The following DPP10 variants were observed in gnomAD, a reference collection of about 807,000 sequenced individuals.
DPP10 encodes the protein dipeptidyl peptidase like 10.
Under a neutral mutation model 120.9 loss-of-function variants are expected in DPP10, and 33 were observed. The ratio of observed to expected loss-of-function variants is 0.27; its 90% CI spans 0.21 to 0.37. The LOEUF (loss-of-function observed/expected upper bound fraction) is 0.37. DPP10 is among the 10% of genes least tolerant of loss of function. The pLI is 1.00. For missense variants in DPP10, 816 were observed against 942.8 expected (o/e 0.87, Z 1.76); for synonymous variants, 337 against 326.1 (o/e 1.03, Z -0.36).
intron 1 of DPP10, among the ~76,000 whole-genome samples, chr2:114,780,818 C>T (rs967672962): frequency 5.9e-5 from 9 of 151,930 alleles, no homozygotes; most frequent in African/African-American, 2.2e-4. Context: ...TCTTTAGTAT[C>T]ATGAATGAAA....
rs184156371 is a variant in DPP10 at position 115,211,841 on chromosome 2, C to G, written c.61-97398C>G. ...GAGATGTGTGCGTGTGTGTGTCAGC[C>G]AATACTTTGAGTGTTAGAATTGTTT... On this transcript the variant is annotated intron_variant, in intron 1 of 25. Coordinates refer to ENST00000410059, the MANE Select transcript of DPP10 (RefSeq NM_020868.6). Among the ~76,000 whole-genome samples, 202 of 152,074 alleles carry G rather than the reference C, an allele frequency of 1.3e-3. 1 individual carries two copies. The highest frequency in any genetic ancestry group is 0.011 in the East Asian group (56 of 5,172).
intron 5 of DPP10, among the ~76,000 whole-genome samples, chr2:115,597,684 C>G (rs2083073002): frequency 6.6e-6 from 1 of 151,704 alleles, no homozygotes; most frequent in Non-Finnish European, 1.5e-5. Flanking sequence ...GCTCACTCCT[C>G]AAAAATAAAA....
At chr2:114,830,916 A>G (rs1269798641) in intron 1 of DPP10, among the ~76,000 whole-genome samples, 2 of 151,972 alleles carry the variant, frequency 1.3e-5, no homozygotes, top group Non-Finnish European at 2.9e-5. Context: ...AAAGTTAAAA[A>G]CAAGCATTGC....
Position 115,625,708 on chromosome 2 carries a change from G to A in DPP10, c.442-63979G>A, listed in dbSNP as rs369536743. ...GTAACATGAAGGAATCTCTCCTCAC[G>A]TAAAAGAAATGCCTAGGGTTTTAAA... is the stretch of plus-strand genomic sequence containing the variant. On this transcript the variant is annotated intron_variant, in intron 5 of 25. Coordinates refer to ENST00000410059, the MANE Select transcript of DPP10 (RefSeq NM_020868.6). Among the ~76,000 whole-genome samples, 180 of 152,102 alleles carry A rather than the reference G, an allele frequency of 1.2e-3. 6 individuals carry two copies. The South Asian group carries it at 0.034, about 29-fold the overall frequency.
At chr2:115,690,322 TAAG>T (rs767618618) in intron 7 of DPP10, among the ~76,000 whole-genome samples, 80 of 152,290 alleles carry the variant, frequency 5.3e-4, no homozygotes, top group Non-Finnish European at 1.1e-3. Context: ...AATATTCTCT[TAAG>T]AGAGGATTTT....
At chr2:114,567,957 C>T (rs1349707489) in intron 1 of DPP10, among the ~76,000 whole-genome samples, 1 of 150,526 alleles carries the variant, frequency 6.6e-6, no homozygotes, top group Non-Finnish European at 1.5e-5. Context: ...CAGCAAACCA[C>T]TATGACAGAT....
At chr2:115,215,817 C>T (rs547928322) in intron 1 of DPP10, among the ~76,000 whole-genome samples, 2 of 152,248 alleles carry the variant, frequency 1.3e-5, no homozygotes, top group Middle Eastern at 3.4e-3. Context: ...TATCTACCCC[C>T]ACAGAACTAA....
intron 1 of DPP10, among the ~76,000 whole-genome samples, chr2:114,973,720 A>G (rs934395491): frequency 1.4e-4 from 20 of 146,974 alleles, no homozygotes; most frequent in African/African-American, 5.0e-4. Flanking sequence ...GTCTCTTAGG[A>G]GGTATTTCAG....
At position 114,442,834 on chromosome 2, in the gene DPP10, T is replaced by C; in HGVS notation, c.56T>C (p.Ile19Thr). Residue 19 changes from isoleucine to threonine, a missense_variant, in exon 1 of 26, where the codon ATC becomes ACC. Transcript: ENST00000410059. ...HHIKCQPSKT[I>T]KELGSNSPPQ... ...ATCAAGTGTCAACCCTCAAAAACAA[T>C]CAAGGTAGGATCTGGTTTTTCCCTC... is the stretch of plus-strand genomic sequence containing the variant. 1 of 1,613,338 alleles carries C rather than the reference T, an allele frequency of 6.2e-7. No homozygotes were observed. The highest frequency in any genetic ancestry group is 8.5e-7 in the Non-Finnish European group (1 of 1,179,514).
chr2:115,584,908 A>G (rs985256382), intron 5 of DPP10, among the ~76,000 whole-genome samples: 5 of 152,190 alleles, frequency 3.3e-5, no homozygotes, highest in Non-Finnish European at 7.3e-5. Flanking sequence ...GCCAGTTGAA[A>G]GATGCTTTGT....
intron 1 of DPP10, among the ~76,000 whole-genome samples, chr2:114,712,559 A>G (rs1701093268): frequency 6.6e-6 from 1 of 152,182 alleles, no homozygotes; most frequent in Non-Finnish European, 1.5e-5. Context: ...TCAAGGACAC[A>G]TTGAAAGTTG....
chr2:114,964,267 C>T (rs1259253173), intron 1 of DPP10, among the ~76,000 whole-genome samples: 1 of 152,044 alleles, frequency 6.6e-6, no homozygotes, highest in Non-Finnish European at 1.5e-5. Flanking sequence ...TCTTTTCTTA[C>T]ATTCAACAAA....
chr2:115,182,962 G>A (rs1044396984), intron 1 of DPP10, among the ~76,000 whole-genome samples: 15 of 152,014 alleles, frequency 9.9e-5, no homozygotes, highest in African/African-American at 3.4e-4. Flanking sequence ...CCCACCCCAT[G>A]GACAACAGGC....
intron 1 of DPP10, among the ~76,000 whole-genome samples, chr2:114,821,330 T>C (rs1313718610): frequency 6.6e-6 from 1 of 152,166 alleles, no homozygotes; most frequent in Non-Finnish European, 1.5e-5. Flanking sequence ...AGGACAATGG[T>C]GGTGAGAATT....
intron 10 of DPP10, among the ~76,000 whole-genome samples, chr2:115,748,488 A>T (rs1678295636): frequency 6.6e-6 from 1 of 152,082 alleles, no homozygotes; most frequent in South Asian, 2.1e-4. Context: ...CTATATAAGG[A>T]GGAATAATAG....
At chr2:115,372,233 T>A (rs1014980274) in intron 3 of DPP10, among the ~76,000 whole-genome samples, 1 of 152,162 alleles carries the variant, frequency 6.6e-6, no homozygotes, top group African/African-American at 2.4e-5. Flanking sequence ...TAAAAATACT[T>A]CATAATGAAG....
At chr2:115,782,070 G>T (rs1682828686) in intron 16 of DPP10, among the ~76,000 whole-genome samples, 1 of 151,932 alleles carries the variant, frequency 6.6e-6, no homozygotes, top group African/African-American at 2.4e-5. Context: ...GAGATAAAGA[G>T]AAAGCATGTA....
chr2:115,197,810 A>C (rs1453472507), intron 1 of DPP10, among the ~76,000 whole-genome samples: 1 of 152,220 alleles, frequency 6.6e-6, no homozygotes, highest in Non-Finnish European at 1.5e-5. Context: ...TAAATATGCT[A>C]TGACGTTTGT....
At chr2:115,671,363 G>C (rs996307981) in intron 5 of DPP10, among the ~76,000 whole-genome samples, 3 of 151,672 alleles carry the variant, frequency 2.0e-5, no homozygotes, top group Non-Finnish European at 4.4e-5. Context: ...AAATAGATTT[G>C]CAGTTCAGAA....
Sources: gnomAD v4.1 joint callset for allele counts (sites outside exome capture counted in the v4.1 genomes callset) on GRCh38, gnomAD v4.1.1 for gene constraint, MANE v1.5 for transcripts, NCBI Gene and HGNC (gene_info 2026-07-23, HGNC 2026-07-21) for gene names.